TNRC18: variants seen among roughly 807,000 people sequenced by gnomAD.
TNRC18 encodes trinucleotide repeat containing 18.
In TNRC18, 69 loss-of-function variants were observed where a neutral mutation model predicts 226.7. The observed-to-expected ratio is 0.30, with a 90% confidence interval of 0.25 to 0.37. TNRC18 has a LOEUF of 0.37. TNRC18 is among the 10% of genes least tolerant of loss of function. TNRC18 has a pLI of 1.00. For missense variants in TNRC18, 4,754 were observed against 4,256.6 expected (o/e 1.12, Z -3.25); for synonymous variants, 2,449 against 1,927.6 (o/e 1.27, Z -7.09).
chr7:5,334,933 A>T (rs1789933800), intron 18 of TNRC18, among the ~76,000 whole-genome samples: 1 of 152,088 alleles, frequency 6.6e-6, no homozygotes, highest in Admixed American at 6.6e-5. Flanking sequence ...GCCCACATAG[A>T]AAAGAAATAG....
At chr7:5,410,860 CAAAAAAAAAAAAAAA>C (rs34320785) in intron 2 of TNRC18, among the ~76,000 whole-genome samples, 1 of 37,174 alleles carries the variant, frequency 2.7e-5, no homozygotes. Context: ...GACTCCATCT[CAAAAAAAAAAAAAAA>C]AAAAAAAAAG....
intron 11 of TNRC18, among the ~76,000 whole-genome samples, chr7:5,366,948 A>G (rs1793679901): frequency 6.6e-6 from 1 of 152,162 alleles, no homozygotes; most frequent in Non-Finnish European, 1.5e-5. Context: ...TTAATATGCG[A>G]GAATCCTAAC....
At chr7:5,373,272 T>C (rs1308682680) in intron 10 of TNRC18, among the ~76,000 whole-genome samples, 2 of 152,140 alleles carry the variant, frequency 1.3e-5, no homozygotes, top group African/African-American at 2.4e-5. Flanking sequence ...TGCAGTGAGC[T>C]GTGATTGTAC....
In TNRC18 at chr7:5,312,090, C is replaced by G. The variant is rs6967837; in HGVS notation, c.8388+413G>C. On this transcript the variant is annotated intron_variant, in intron 27 of 29. Coordinates refer to ENST00000430969, the MANE Select transcript of TNRC18 (RefSeq NM_001080495.3). This position sits in a 1 kb window ranked among gnomAD's most constrained non-coding sequence, Gnocchi z 6.3. ...GGCAGAGGGTGCAGTAAGCCAAGAT[C>G]ACACCACCACACTCCAGCCTGGGCA... Among the ~76,000 whole-genome samples the G allele has an allele frequency of 0.075, 11,338 of 152,120 alleles. 956 individuals carry two copies. The highest frequency in any genetic ancestry group is 0.2 in the African/African-American group (8,271 of 41,456).
At position 5,309,922 on chromosome 7, in the gene TNRC18, CT is replaced by C. The variant is rs1562471655; in HGVS notation, c.8389-555del. Among the ~76,000 whole-genome samples, 1 of 152,042 alleles carries C rather than the reference CT, an allele frequency of 6.6e-6. No homozygotes were observed. Among genetic ancestry groups the C allele is most frequent in the Admixed American group, 6.6e-5 (1 of 15,252 alleles). ...GGCCTTATTTTTCTTTTGAAAATTA[CT>C]TTTTTCAGAGAAAGGGTCTTGCTCT... On this transcript the variant is annotated intron_variant, in intron 27 of 29. Transcript: ENST00000430969. This position sits in a 1 kb window ranked among gnomAD's most constrained non-coding sequence, Gnocchi z 5.7.
Position 5,367,874 on chromosome 7 carries a change from G to A in TNRC18, c.4219+2501C>T, listed in dbSNP as rs145427191. ...GTTGCTCACACAGGCCAATGGCAGC[G>A]TGGCTTCTCCAGGCTTCCTTGAGGG... On this transcript the variant is annotated intron_variant, in intron 11 of 29. Transcript: ENST00000430969. 2.6e-5 allele frequency among the ~76,000 whole-genome samples: 4 copies of A among 152,224 alleles called. No individual in the cohort carries two copies. In the East Asian group the frequency reaches 5.8e-4, roughly 22 times the overall value.
intron 18 of TNRC18, among the ~76,000 whole-genome samples, chr7:5,345,190 C>T (rs185892822): frequency 1.9e-3 from 295 of 152,330 alleles, no homozygotes; most frequent in African/African-American, 6.8e-3. Flanking sequence ...GGTAACCCCA[C>T]GTCTCTCTCA....
In TNRC18 at chr7:5,357,037, G is replaced by A. The variant is rs776890680; in HGVS notation, c.5073C>T (p.Ser1691=). 28 of 1,552,138 alleles carry A rather than the reference G, an allele frequency of 1.8e-5. No homozygotes were observed. The highest frequency in any genetic ancestry group is 1.2e-4 in the East Asian group (5 of 40,928). Residue 1691 remains serine, a synonymous_variant, in exon 16 of 30, where the codon TCC becomes TCT. Coordinates refer to ENST00000430969, the MANE Select transcript of TNRC18 (RefSeq NM_001080495.3). ...CTGCCCTTTTGTGTTTACCTTCTCTGGAGGATTTCAGAGACAGGCCGAGGC... is the reference window on the plus strand; with the variant it reads ...CTGCCCTTTTGTGTTTACCTTCTCTAGAGGATTTCAGAGACAGGCCGAGGC... ...AKGLGLSLKS[S]REGKHKRAAK... is the part of the protein sequence containing the mutation.
At chr7:5,321,004 C>G in intron 22 of TNRC18, 69 bp downstream of exon 22, 4 of 1,156,130 alleles carry the variant, frequency 3.5e-6, no homozygotes, top group Non-Finnish European at 3.7e-6. Flanking sequence ...CAGCCAGGCA[C>G]AGAGGCGGCC....
intron 2 of TNRC18, 143 bp downstream of exon 2, chr7:5,420,917 G>T: frequency 9.5e-7 from 1 of 1,053,130 alleles, no homozygotes; most frequent in Non-Finnish European, 1.4e-6. Flanking sequence ...GAGTTTCCCA[G>T]CCCTGGGAGC....
chr7:5,341,465 C>CT (rs1790679038), intron 18 of TNRC18, among the ~76,000 whole-genome samples: 1 of 148,538 alleles, frequency 6.7e-6, no homozygotes, highest in Non-Finnish European at 1.5e-5. Flanking sequence ...TGCCACTACT[C>CT]TATCAATGGA....
rs1215220335 is a variant in TNRC18, at chr7:5,307,586, C to G, written c.*520G>C. ...CATCCTGAGAGGGTGGGGGCAGGGC[C>G]CCTGGCACAGTCAGGTAGGCCAGCT... On this transcript the variant is annotated 3_prime_UTR_variant, in exon 30 of 30. Coordinates refer to ENST00000430969, the MANE Select transcript of TNRC18 (RefSeq NM_001080495.3). 1 of 447,298 alleles carries G rather than the reference C, an allele frequency of 2.2e-6. No homozygotes were observed. The highest frequency in any genetic ancestry group is 4.5e-6 in the Non-Finnish European group (1 of 222,906). The allele number at this position is 447,298 out of a possible 1,614,324, so 27.7% of individuals were successfully genotyped here.
chr7:5,335,159 C>T lies in TNRC18; in HGVS notation c.5720-2110G>A, dbSNP rs184150107. Reference sequence around the variant, plus strand: ...CTCTGCTAAAAATACAAAAATTAGCCGGGCATGGTGGCGGGTGCCTATAGT... The same window carrying T: ...CTCTGCTAAAAATACAAAAATTAGCTGGGCATGGTGGCGGGTGCCTATAGT... On this transcript the variant is annotated intron_variant, in intron 18 of 29. Coordinates refer to ENST00000430969, the MANE Select transcript of TNRC18 (RefSeq NM_001080495.3). Among the ~76,000 whole-genome samples, 16 of 151,526 alleles carry T rather than the reference C, an allele frequency of 1.1e-4. No individual in the cohort carries two copies. In the East Asian group the frequency reaches 2.9e-3, roughly 28 times the overall value.
Position 5,332,651 on chromosome 7 carries a change from G to T in TNRC18, c.6118C>A (p.Arg2040Ser). The T allele has an allele frequency of 2.0e-6, 3 of 1,530,702 alleles. No individual in the cohort carries two copies. Among genetic ancestry groups the T allele is most frequent in the Non-Finnish European group, 2.6e-6 (3 of 1,141,112 alleles). 94.8% of individuals were successfully genotyped at this position (1,530,702 alleles called of 1,614,324 possible). The part of the protein sequence containing the change: ...GPLSPRKDAG[R>S]AKDRKDPRKK... ...CTGGGGTCCTTCCTGTCCTTTGCAC[G>T]CCCGGCGTCCTTGCGCGGGCTCAGG... is the stretch of plus-strand genomic sequence containing the variant. Residue 2040 changes from arginine (R) to serine (S), a missense_variant, in exon 19 of 30, where the codon CGT (arginine) becomes AGT (serine). Physicochemically the swap from Arg to Ser is moderately radical, Grantham distance 110. Transcript: ENST00000430969.
At chr7:5,413,472 T>G (rs895753751) in intron 2 of TNRC18, among the ~76,000 whole-genome samples, 1 of 152,072 alleles carries the variant, frequency 6.6e-6, no homozygotes, top group African/African-American at 2.4e-5. Flanking sequence ...ACCTCCTAAT[T>G]ACCTCCTGCT....
chr7:5,312,601 C>T lies in TNRC18; in HGVS notation c.8290G>A (p.Ala2764Thr). The T allele has an allele frequency of 3.7e-6, 6 of 1,610,858 alleles. No individual in the cohort carries two copies. Among genetic ancestry groups the T allele is most frequent in the Non-Finnish European group, 5.1e-6 (6 of 1,179,342 alleles). ...GVHLPTTKEL[A>T]KRQRLPSVEN... is the part of the protein sequence containing the mutation. ...ACGGACGGCAGGCGCTGCCGCTTGGCCAGCTCCTTGGTGGTGGGGAGGTGG... is the reference window on the plus strand; with the variant it reads ...ACGGACGGCAGGCGCTGCCGCTTGGTCAGCTCCTTGGTGGTGGGGAGGTGG... Residue 2764 changes from alanine (A) to threonine (T), a missense_variant, in exon 27 of 30, where the codon GCC becomes ACC. Transcript: ENST00000430969. The surrounding 1 kb of genome is among the most constrained non-coding windows in gnomAD (Gnocchi z 6.3).
intron 18 of TNRC18, among the ~76,000 whole-genome samples, chr7:5,345,205 C>A (rs1333949728): frequency 6.6e-6 from 1 of 152,218 alleles, no homozygotes; most frequent in Admixed American, 6.5e-5. Context: ...CTCTCACGGG[C>A]CAGACTGGGT....
chr7:5,420,506 A>C, intron 2 of TNRC18: 3 of 448,398 alleles, frequency 6.7e-6, no homozygotes, highest in South Asian at 4.7e-5. Flanking sequence ...GCCCGCCCCG[A>C]GGCCAGGGTC....
At chr7:5,408,329 A>G (rs1584104061) in intron 2 of TNRC18, among the ~76,000 whole-genome samples, 3 of 151,424 alleles carry the variant, frequency 2.0e-5, no homozygotes, top group African/African-American at 7.3e-5. Flanking sequence ...GAACGAAAGC[A>G]AAATAGGAGA....
Sources: allele counts gnomAD v4.1 joint callset (sites outside exome capture counted in the v4.1 genomes callset), GRCh38; gene constraint gnomAD v4.1.1; non-coding constraint Gnocchi (gnomAD v3.1); transcripts MANE v1.5; gene names NCBI Gene and HGNC (gene_info 2026-07-23, HGNC 2026-07-21).